SEMA4D: variants seen among roughly 807,000 people sequenced by gnomAD.
SEMA4D encodes the protein semaphorin 4D.
SEMA4D carries 22 observed loss-of-function variants against 74.8 expected under a neutral mutation model. The observed-to-expected ratio is 0.29, with a 90% CI of 0.21 to 0.42. The LOEUF is 0.42. Among genes scored for constraint, SEMA4D ranks in the 10% least tolerant of loss-of-function variants. SEMA4D has a pLI of 1.00. For missense variants in SEMA4D, 937 were observed against 1,118.4 expected (o/e 0.84, Z 2.31); for synonymous variants, 445 against 463.7 (o/e 0.96, Z 0.52).
downstream of SEMA4D, among the ~76,000 whole-genome samples, chr9:89,374,935 C>T (rs937486307): frequency 1.5e-4 from 23 of 152,310 alleles, no homozygotes; most frequent in African/African-American, 5.1e-4. Flanking sequence ...TGCCTGTAAT[C>T]CCAGCTACTA....
At chr9:89,421,918 GGA>G (rs1240424404) in intron 2 of SEMA4D, among the ~76,000 whole-genome samples, 1 of 152,194 alleles carries the variant, frequency 6.6e-6, no homozygotes, top group Admixed American at 6.5e-5. Context: ...ATCTGCAAAA[GGA>G]GTGTGCTTCA....
intron 2 of SEMA4D, chr9:89,418,292 G>T: frequency 1.2e-6 from 1 of 814,876 alleles, no homozygotes; most frequent in Non-Finnish European, 1.5e-6. Flanking sequence ...ACAGCACTGG[G>T]GCAGACAGGA....
intron 13 of SEMA4D, chr9:89,384,834 A>G: frequency 1.0e-6 from 1 of 985,354 alleles, no homozygotes; most frequent in South Asian, 4.7e-5. Context: ...TTACCACTGA[A>G]CAGCCACTTC....
chr9:89,379,867 C>T (rs1001506647), intron 15 of SEMA4D, among the ~76,000 whole-genome samples: 4 of 152,164 alleles, frequency 2.6e-5, no homozygotes, highest in Non-Finnish European at 5.9e-5. Flanking sequence ...TCCCATTTCT[C>T]ACCCGTGTCC....
Position 89,414,359 on chromosome 9 carries a change from G to C in SEMA4D, c.-243-8660C>G, listed in dbSNP as rs73654779. On this transcript the variant is annotated intron_variant, in intron 2 of 15. Transcript: ENST00000422704. ...TTATCTCAGGGGTTTGCCCAGATGG[G>C]GCAGGTAAAGCTTAGAGTCTCTCCA... Among the ~76,000 whole-genome samples, 1,228 of 152,280 alleles carry C rather than the reference G, an allele frequency of 8.1e-3. 18 individuals carry two copies. The highest frequency in any genetic ancestry group is 0.028 in the African/African-American group (1,161 of 41,560).
At chr9:89,413,981 G>C (rs1845126318) in intron 2 of SEMA4D, among the ~76,000 whole-genome samples, 1 of 152,206 alleles carries the variant, frequency 6.6e-6, no homozygotes, top group Admixed American at 6.5e-5. Context: ...TCTTAGATGT[G>C]AATAGTGACT....
intron 1 of SEMA4D, among the ~76,000 whole-genome samples, chr9:89,497,095 C>T (rs1313922051): frequency 6.6e-6 from 1 of 152,232 alleles, no homozygotes; most frequent in East Asian, 1.9e-4. Flanking sequence ...TTACAGACTC[C>T]CATTCACCCA....
At chr9:89,422,546 G>C (rs1208014648) in intron 2 of SEMA4D, among the ~76,000 whole-genome samples, 1 of 152,258 alleles carries the variant, frequency 6.6e-6, no homozygotes, top group Non-Finnish European at 1.5e-5. Context: ...TCCAGGTCCT[G>C]TGTGTCCCTG....
intron 16 of SEMA4D, among the ~76,000 whole-genome samples, chr9:89,371,426 GGGTGTGTGTGTGGGGTGT>G (rs1268006783): frequency 2.6e-5 from 3 of 116,420 alleles, no homozygotes; most frequent in Non-Finnish European, 5.5e-5. Flanking sequence ...TGTGTGTCTG[GGGTGTGTGTGTGGGGTGT>G]GGTGTGTGTC....
chr9:89,491,667 T>C (rs532525730), intron 1 of SEMA4D, among the ~76,000 whole-genome samples: 12 of 152,228 alleles, frequency 7.9e-5, no homozygotes, highest in African/African-American at 2.6e-4. Context: ...AGGGGTGCAA[T>C]GCCGCTGGTG....
In SEMA4D at chr9:89,388,210, C is replaced by G. The variant is rs147475093; in HGVS notation, c.1107+426G>C. Among the ~76,000 whole-genome samples the G allele has an allele frequency of 7.7e-4, 118 of 152,272 alleles. 1 individual carries two copies. The highest frequency in any genetic ancestry group is 2.8e-3 in the African/African-American group (117 of 41,538). On this transcript the variant is annotated intron_variant, in intron 11 of 15. Coordinates refer to ENST00000422704, the MANE Select transcript of SEMA4D (RefSeq NM_001371194.2). ...GAGGGCTGTGCACATGCCTGTCACA[C>G]CCATTTCCCCATGTGAGGGAAGGAA... is the stretch of plus-strand genomic sequence containing the variant.
intron 2 of SEMA4D, among the ~76,000 whole-genome samples, chr9:89,412,367 C>G (rs1022029836): frequency 9.9e-5 from 15 of 152,190 alleles, no homozygotes; most frequent in Non-Finnish European, 1.9e-4. Flanking sequence ...AAGGTATTTC[C>G]AGGAGTGTCA....
At chr9:89,467,917 G>C (rs933160978) in intron 1 of SEMA4D, among the ~76,000 whole-genome samples, 1 of 152,228 alleles carries the variant, frequency 6.6e-6, no homozygotes, top group Non-Finnish European at 1.5e-5. Context: ...CTCAGGCTTG[G>C]AGAGCAGCCC....
Position 89,378,407 on chromosome 9 carries a change from C to A in SEMA4D, c.*297G>T, listed in dbSNP as rs1467146580. The A allele has an allele frequency of 9.4e-6, 3 of 319,504 alleles. No individual in the cohort carries two copies. Among genetic ancestry groups the A allele is most frequent in the Non-Finnish European group, 1.7e-5 (3 of 172,584 alleles). The allele number at this position is 319,504 out of a possible 1,614,324, so 19.8% of individuals were successfully genotyped here. The stretch of plus-strand genomic sequence containing the variant: ...AACAGAGGTCCAGCCACCTTTCCCC[C>A]ACTACAGAAAGGGCTCAGGAACTCC... On this transcript the variant is annotated 3_prime_UTR_variant, in exon 16 of 16. Transcript: ENST00000422704.
chr9:89,490,939 G>A (rs12003997), intron 1 of SEMA4D, among the ~76,000 whole-genome samples: 28,450 of 152,092 alleles, frequency 0.19, 2,857 homozygotes, highest in East Asian at 0.32. Flanking sequence ...AGCCACAGAT[G>A]ATTCGAAATA....
chr9:89,384,714 G>C (rs1042995170), intron 13 of SEMA4D: 41 of 985,202 alleles, frequency 4.2e-5, no homozygotes, highest in Non-Finnish European at 4.7e-5. Flanking sequence ...GAGGGTGGAG[G>C]CACAGCGCAC....
intron 6 of SEMA4D, among the ~76,000 whole-genome samples, chr9:89,396,204 C>T (rs1840925242): frequency 6.6e-6 from 1 of 152,176 alleles, no homozygotes; most frequent in East Asian, 1.9e-4. Flanking sequence ...GAGCAAGCTG[C>T]ACACCACAGC....
chr9:89,474,370 A>G (rs1034224188), intron 1 of SEMA4D, among the ~76,000 whole-genome samples: 2 of 127,018 alleles, frequency 1.6e-5, no homozygotes, highest in Non-Finnish European at 3.7e-5. Flanking sequence ...TAAGAACATC[A>G]CAAAGATTAC....
intron 18 of SEMA4D, among the ~76,000 whole-genome samples, chr9:89,362,664 G>C (rs958290687): frequency 3.9e-5 from 6 of 152,234 alleles, no homozygotes; most frequent in African/African-American, 1.4e-4. Flanking sequence ...TGAGAGGCAG[G>C]AGGGCTGGAG....
Sources: allele counts gnomAD v4.1 joint callset (sites outside exome capture counted in the v4.1 genomes callset), GRCh38; gene constraint gnomAD v4.1.1; transcripts MANE v1.5; gene names NCBI Gene and HGNC (gene_info 2026-07-23, HGNC 2026-07-21).